The following KDM4B variants were observed in gnomAD, a reference collection of about 807,000 sequenced individuals.
KDM4B encodes the protein lysine demethylase 4B, also known as lysine-specific demethylase 4B.
A neutral mutation model predicts 125.2 loss-of-function variants in KDM4B; 32 were observed. The ratio of observed to expected loss-of-function variants is 0.26; its 90% CI spans 0.19 to 0.34. KDM4B has a LOEUF of 0.34. Ranked by LOEUF, KDM4B falls within the 10% of genes least tolerant of loss-of-function variation. The probability of loss-of-function intolerance (pLI) is 1.00; values close to 1 mark genes in which losing one functional copy is unlikely to be tolerated. For missense variants in KDM4B, 1,190 were observed against 1,577.7 expected, an observed-to-expected ratio of 0.75 and a Z score of 4.16; for synonymous variants, 721 against 677.9, an observed-to-expected ratio of 1.06 and a Z score of -0.99.
intron 6 of KDM4B, among the ~76,000 whole-genome samples, chr19:5,056,133 A>G (rs1303266469): frequency 6.6e-6 from 1 of 150,962 alleles, no homozygotes; most frequent in Non-Finnish European, 1.5e-5. Context: ...CCTAATCTGT[A>G]TGTCCCCTAA....
chr19:5,070,934 G>T, intron 6 of KDM4B, 76 bp from the exon 7 acceptor site: 1 of 1,507,380 alleles, frequency 6.6e-7, no homozygotes, highest in South Asian at 1.1e-5. Context: ...GTCTCCCCAA[G>T]GCTGGTCCCA....
intron 6 of KDM4B, among the ~76,000 whole-genome samples, chr19:5,059,222 C>T (rs75911167): frequency 0.044 from 6,667 of 152,312 alleles, 199 homozygotes; most frequent in Non-Finnish European, 0.067. Flanking sequence ...AGCAAATCTG[C>T]GGGAGGAGAG....
intron 9 of KDM4B, among the ~76,000 whole-genome samples, chr19:5,088,577 G>C (rs560939347): frequency 6.6e-6 from 1 of 151,672 alleles, no homozygotes; most frequent in African/African-American, 2.4e-5. Context: ...AACCTAGGCC[G>C]TTCATCTGTG....
At chr19:5,144,641 C>A in intron 20 of KDM4B, 142 bp from the exon 21 acceptor site, 1 of 1,249,958 alleles carries the variant, frequency 8.0e-7, no homozygotes, top group Non-Finnish European at 1.1e-6. Flanking sequence ...TCTGCACCGC[C>A]CCGCTACCCC....
intron 10 of KDM4B, among the ~76,000 whole-genome samples, chr19:5,113,618 A>G (rs1296180801): frequency 6.6e-6 from 1 of 152,146 alleles, no homozygotes; most frequent in Admixed American, 6.5e-5. Flanking sequence ...GGGCTTGTGG[A>G]CACAGGCGGG....
chr19:5,007,419 T>G (rs2035594414), intron 1 of KDM4B, among the ~76,000 whole-genome samples: 1 of 152,236 alleles, frequency 6.6e-6, no homozygotes, highest in African/African-American at 2.4e-5. Context: ...TCTGTTAGGT[T>G]GTTTGTCTTT....
intron 2 of KDM4B, among the ~76,000 whole-genome samples, chr19:5,030,333 G>C (rs545295901): frequency 1.3e-4 from 20 of 152,330 alleles, no homozygotes; most frequent in African/African-American, 4.6e-4. Context: ...CCTGCCCCAG[G>C]CCCTGTCCTT....
intron 5 of KDM4B, among the ~76,000 whole-genome samples, chr19:5,041,550 A>G (rs1014487624): frequency 6.6e-6 from 1 of 152,160 alleles, no homozygotes; most frequent in African/African-American, 2.4e-5. Flanking sequence ...GTACTTTCCC[A>G]GTCCCTGCCG....
At chr19:4,983,481 T>C (rs1223363165) in intron 1 of KDM4B, among the ~76,000 whole-genome samples, 1 of 152,206 alleles carries the variant, frequency 6.6e-6, no homozygotes, top group Non-Finnish European at 1.5e-5. Flanking sequence ...TCCTGGCCTA[T>C]CTTCCCAGTG....
In KDM4B at chr19:5,082,462, C is replaced by T. The variant is rs765673983; in HGVS notation, c.876C>T (p.Phe292=). Residue 292 remains phenylalanine (F), a synonymous_variant, in exon 9 of 23, where the codon TTC becomes TTT. Coordinates refer to ENST00000159111, the MANE Select transcript of KDM4B (RefSeq NM_015015.3). The surrounding 1 kb of genome is among the most constrained non-coding windows in gnomAD (Gnocchi z 5.4). ...TCAACTGCGCAGAATCTACCAACTT[C>T]GCCACCCTGCGGTGGATTGACTACG... is the stretch of plus-strand genomic sequence containing the variant. ...HGFNCAESTN[F]ATLRWIDYGK... 5.8e-5 allele frequency: 94 copies of T among 1,612,314 alleles called. 2 individuals carry two copies. In the South Asian group the frequency reaches 8.1e-4, roughly 14 times the overall value.
chr19:5,033,075 G>C, intron 3 of KDM4B, 44 bp downstream of exon 3: 1 of 1,599,338 alleles, frequency 6.3e-7, no homozygotes, highest in Non-Finnish European at 8.5e-7. Context: ...ATCAGCCTGC[G>C]CCGCGGGCCT....
At chr19:5,119,935 A>G in intron 11 of KDM4B, 83 bp downstream of exon 11, 1 of 1,447,970 alleles carries the variant, frequency 6.9e-7, no homozygotes, top group Non-Finnish European at 9.2e-7. Flanking sequence ...TGCCTGCTAC[A>G]GCCAGAGTCC....
intron 2 of KDM4B, among the ~76,000 whole-genome samples, chr19:5,023,758 ATTTTTTTTT>A (rs148293792): frequency 4.5e-5 from 4 of 89,122 alleles, no homozygotes; most frequent in Non-Finnish European, 6.0e-5. Context: ...GTCTTTTTGA[ATTTTTTTTT>A]TTTTTTTTTT....
intron 11 of KDM4B, among the ~76,000 whole-genome samples, chr19:5,130,372 G>A (rs1236022700): frequency 6.6e-6 from 1 of 151,726 alleles, no homozygotes; most frequent in Non-Finnish European, 1.5e-5. Context: ...AACCCGTCCT[G>A]GCCCCAAAGT....
In KDM4B at chr19:5,114,094, C is replaced by T. The variant is rs537211451; in HGVS notation, c.1115+3276C>T. The T allele has an allele frequency of 3.3e-5, 43 of 1,289,554 alleles. No individual in the cohort carries two copies. Among genetic ancestry groups the T allele is most frequent in the African/African-American group, 3.0e-4 (20 of 65,982 alleles). The allele number at this position is 1,289,554 out of a possible 1,614,324, so 79.9% of individuals were successfully genotyped here. On this transcript the variant is annotated intron_variant, in intron 10 of 22. Coordinates refer to ENST00000159111, the MANE Select transcript of KDM4B (RefSeq NM_015015.3). This position sits in a 1 kb window ranked among gnomAD's most constrained non-coding sequence, Gnocchi z 5.8. ...CGGGTGCCCTCAGCCTCCCCACTCC[C>T]GGTGGCGCTGTGCGTTCTGGTGCCC...
chr19:5,018,794 T>C (rs2035969651), intron 2 of KDM4B, among the ~76,000 whole-genome samples: 1 of 152,228 alleles, frequency 6.6e-6, no homozygotes, highest in Non-Finnish European at 1.5e-5. Context: ...GGACATCTCA[T>C]AGAAATGGGA....
intron 9 of KDM4B, among the ~76,000 whole-genome samples, chr19:5,088,665 T>TCCCCCCCCCC (rs35143112): frequency 6.7e-5 from 7 of 103,780 alleles, no homozygotes; most frequent in Middle Eastern, 4.9e-3. Context: ...GCCCCCCCCC[T>TCCCCCCCCCC]CCCCCCCCCC....
chr19:5,085,868 G>A (rs2038475773), intron 9 of KDM4B, among the ~76,000 whole-genome samples: 1 of 152,240 alleles, frequency 6.6e-6, no homozygotes, highest in South Asian at 2.1e-4. Flanking sequence ...AAGCAGCCCA[G>A]GCTGGAGAGT....
intron 9 of KDM4B, among the ~76,000 whole-genome samples, chr19:5,094,628 G>C (rs2038781200): frequency 6.6e-6 from 1 of 152,086 alleles, no homozygotes; most frequent in Non-Finnish European, 1.5e-5. Flanking sequence ...ATAGGACAGA[G>C]GTGGGGGCAC....
Sources: allele counts gnomAD v4.1 joint callset (sites outside exome capture counted in the v4.1 genomes callset), GRCh38; gene constraint gnomAD v4.1.1; non-coding constraint Gnocchi (gnomAD v3.1); transcripts MANE v1.5; gene names NCBI Gene and HGNC (gene_info 2026-07-23, HGNC 2026-07-21).